The following CCDC167 variants were observed in gnomAD, a reference collection of about 807,000 sequenced individuals.
The protein encoded by CCDC167 is coiled-coil domain-containing protein 167.
Under a neutral mutation model 12.7 loss-of-function variants are expected in CCDC167, and 15 were observed. That is an observed-to-expected ratio of 1.18 (90% confidence interval 0.79 to 1.81). CCDC167 has a LOEUF of 1.81. CCDC167 is among the 40% of genes most tolerant of loss of function. CCDC167 has a pLI of 0.00. For synonymous variants in CCDC167, 52 were observed against 49.0 expected (o/e 1.06, Z -0.26); for missense variants, 121 against 120.1 (o/e 1.01, Z -0.03).
chr6:37,487,265 G>A (rs1276788601), intron 1 of CCDC167, among the ~76,000 whole-genome samples: 1 of 152,182 alleles, frequency 6.6e-6, no homozygotes, highest in Non-Finnish European at 1.5e-5. Context: ...TAAAGCTCCT[G>A]TCCTAGAAGG....
chr6:37,490,812 G>A (rs1762009319), intron 1 of CCDC167, among the ~76,000 whole-genome samples: 1 of 151,926 alleles, frequency 6.6e-6, no homozygotes, highest in African/African-American at 2.4e-5. Flanking sequence ...CATGCCCAGC[G>A]GCAGGGGCAG....
At chr6:37,494,056 CTTTTTTTTTTTT>C (rs70977666) in intron 1 of CCDC167, among the ~76,000 whole-genome samples, 8 of 91,384 alleles carry the variant, frequency 8.8e-5, no homozygotes, top group African/African-American at 3.0e-4. Context: ...GTGATCCTGC[CTTTTTTTTTTTT>C]TTTTTTTTTT....
intron 1 of CCDC167, among the ~76,000 whole-genome samples, chr6:37,492,714 T>C (rs1315866723): frequency 6.6e-6 from 1 of 152,164 alleles, no homozygotes. Flanking sequence ...GGGAACTGGA[T>C]TTTTGAAAAT....
At position 37,483,189 on chromosome 6, in the gene CCDC167, C is replaced by T; in HGVS notation, c.291G>A (p.Met97Ile). ...LLTLVYAYWTM is the reference protein window; with the variant it reads ...LLTLVYAYWTI ...TGGTTGTGGGGAAGTGCCAGGCTCA[C>T]ATGGTCCAGTAGGCATAGACGAGCG... The change falls in exon 4 of 4, where the codon ATG becomes ATA. Residue 97 changes from methionine to isoleucine, a missense_variant. Coordinates refer to ENST00000373408, the MANE Select transcript of CCDC167 (RefSeq NM_138493.3). The T allele has an allele frequency of 6.2e-7, 1 of 1,612,344 alleles. No homozygotes were observed. The highest frequency in any genetic ancestry group is 8.5e-7 in the Non-Finnish European group (1 of 1,178,384).
chr6:37,491,917 C>A (rs79529318), intron 1 of CCDC167, among the ~76,000 whole-genome samples: 5,296 of 152,294 alleles, frequency 0.035, 120 homozygotes, highest in Middle Eastern at 0.096. Flanking sequence ...GCTGGGCAGC[C>A]ACGTCTGTGC....
chr6:37,489,887 C>G (rs879482), intron 1 of CCDC167, among the ~76,000 whole-genome samples: 17,740 of 152,228 alleles, frequency 0.12, 1,092 homozygotes, highest in South Asian at 0.16. Flanking sequence ...TGACTGTGAC[C>G]GGCAAAGTAG....
At chr6:37,497,332 G>A (rs1192269228) in intron 1 of CCDC167, among the ~76,000 whole-genome samples, 4 of 152,154 alleles carry the variant, frequency 2.6e-5, no homozygotes, top group Non-Finnish European at 5.9e-5. Flanking sequence ...TGTTTCATGT[G>A]TGATTCTGTT....
intron 1 of CCDC167, among the ~76,000 whole-genome samples, chr6:37,488,869 A>G (rs1440184848): frequency 5.9e-5 from 9 of 152,210 alleles, no homozygotes; most frequent in African/African-American, 2.2e-4. Context: ...ATTATCAGAG[A>G]GTGGTTTGCA....
At chr6:37,497,361 T>C (rs1212122738) in intron 1 of CCDC167, among the ~76,000 whole-genome samples, 4 of 152,214 alleles carry the variant, frequency 2.6e-5, no homozygotes, top group Admixed American at 2.6e-4. Context: ...CCTTATTCAA[T>C]ATATATTGTT....
chr6:37,489,253 C>CAAAAA (rs747421465), intron 1 of CCDC167, among the ~76,000 whole-genome samples: 29 of 149,336 alleles, frequency 1.9e-4, no homozygotes, highest in African/African-American at 6.4e-4. Flanking sequence ...AACAAACAAA[C>CAAAAA]AAAAAAAAAC....
At chr6:37,497,281 G>A (rs1762107655) in intron 1 of CCDC167, among the ~76,000 whole-genome samples, 1 of 152,204 alleles carries the variant, frequency 6.6e-6, no homozygotes, top group Non-Finnish European at 1.5e-5. Context: ...CAAACCAGGT[G>A]AGGTTCCTGC....
chr6:37,493,552 C>T (rs1762049609), intron 1 of CCDC167, among the ~76,000 whole-genome samples: 1 of 152,268 alleles, frequency 6.6e-6, no homozygotes, highest in African/African-American at 2.4e-5. Context: ...CGCGAGAAAT[C>T]ACCTGCCCAA....
intron 1 of CCDC167, 102 bp from the exon 2 acceptor site, chr6:37,485,296 C>A (rs1033288157): frequency 2.3e-6 from 2 of 874,068 alleles, no homozygotes; most frequent in South Asian, 3.0e-5. Context: ...GACAGGTGTT[C>A]CCCCCATTCG....
chr6:37,498,016 C>A (rs1762119075), intron 1 of CCDC167, among the ~76,000 whole-genome samples: 1 of 152,170 alleles, frequency 6.6e-6, no homozygotes, highest in African/African-American at 2.4e-5. Context: ...TAGCTGAGAA[C>A]ATGGACTGCG....
At chr6:37,490,587 T>C (rs113552385) in intron 1 of CCDC167, among the ~76,000 whole-genome samples, 48 of 151,956 alleles carry the variant, frequency 3.2e-4, no homozygotes, top group African/African-American at 1.1e-3. Context: ...TGAGGCCTGC[T>C]GGGTGAAGGA....
intron 1 of CCDC167, 63 bp from the exon 2 acceptor site, chr6:37,485,257 G>T: frequency 7.8e-7 from 1 of 1,284,694 alleles, no homozygotes; most frequent in South Asian, 1.2e-5. Context: ...CACTGGGACT[G>T]GGAAGCAGGG....
intron 1 of CCDC167, among the ~76,000 whole-genome samples, chr6:37,486,629 A>C (rs927640674): frequency 1.3e-5 from 2 of 151,880 alleles, no homozygotes; most frequent in African/African-American, 4.8e-5. Flanking sequence ...TGTGGGAGAG[A>C]GCGACCACAG....
chr6:37,487,319 C>T (rs1056679795), intron 1 of CCDC167, among the ~76,000 whole-genome samples: 4 of 152,162 alleles, frequency 2.6e-5, no homozygotes, highest in African/African-American at 9.7e-5. Context: ...CAAGGCCTAG[C>T]CTGCTGCAGT....
intron 1 of CCDC167, among the ~76,000 whole-genome samples, chr6:37,493,199 C>A (rs976699723): frequency 3.9e-5 from 6 of 152,236 alleles, no homozygotes; most frequent in Admixed American, 6.5e-5. Flanking sequence ...AGTCCCGACG[C>A]CTTCCCGCGA....
Sources: allele counts gnomAD v4.1 joint callset (sites outside exome capture counted in the v4.1 genomes callset), GRCh38; gene constraint gnomAD v4.1.1; transcripts MANE v1.5; gene names NCBI Gene and HGNC (gene_info 2026-07-23, HGNC 2026-07-21).